SHISA5: variants seen among roughly 807,000 people sequenced by gnomAD.
SHISA5 encodes protein shisa-5.
Under a neutral mutation model 27.5 loss-of-function variants are expected in SHISA5, and 21 were observed. The ratio of observed to expected loss-of-function variants is 0.76; its 90% CI spans 0.54 to 1.10. The LOEUF (loss-of-function observed/expected upper bound fraction) is 1.10. Among genes scored for constraint, SHISA5 ranks in the 50% least tolerant of loss-of-function variants. The probability of loss-of-function intolerance (pLI) is 0.00; values close to 1 mark genes in which losing one functional copy is unlikely to be tolerated. For synonymous variants in SHISA5, 137 were observed against 142.2 expected (o/e 0.96, Z 0.26); for missense variants, 314 against 336.3 (o/e 0.93, Z 0.52).
At chr3:48,498,129 G>A (rs1003487867) in intron 2 of SHISA5, among the ~76,000 whole-genome samples, 1 of 152,028 alleles carries the variant, frequency 6.6e-6, no homozygotes, top group African/African-American at 2.4e-5. Context: ...CTCTACAAAT[G>A]CACAAAAAGC....
At position 48,473,100 on chromosome 3, in the gene SHISA5, C is replaced by T; in HGVS notation, c.315-3257G>A. ...GTGGGCCACTCAGTTTCAATTTCCT[C>T]CCCTTTTGGAGAAAAAGAAAGCAAA... On this transcript the variant is annotated intron_variant, in intron 3 of 5. Coordinates refer to ENST00000296444, the MANE Select transcript of SHISA5 (RefSeq NM_016479.6). This position sits in a 1 kb window ranked among gnomAD's most constrained non-coding sequence, Gnocchi z 4.3. The T allele has an allele frequency of 1.3e-6, 2 of 1,489,682 alleles. No individual in the cohort carries two copies. The highest frequency in any genetic ancestry group is 2.6e-5 in the South Asian group (2 of 78,296). 92.3% of individuals were successfully genotyped at this position (1,489,682 alleles called of 1,614,324 possible). A position where few individuals can be genotyped will look rare whatever the true frequency, so the allele number is the denominator to read the frequency against.
intron 2 of SHISA5, among the ~76,000 whole-genome samples, chr3:48,487,333 A>G (rs1377804258): frequency 6.6e-6 from 1 of 152,112 alleles, no homozygotes; most frequent in Non-Finnish European, 1.5e-5. Flanking sequence ...TGTATTTTAT[A>G]GTTTATATAG....
chr3:48,477,325 G>T (rs962511116), intron 3 of SHISA5, among the ~76,000 whole-genome samples: 3 of 151,962 alleles, frequency 2.0e-5, no homozygotes, highest in African/African-American at 7.3e-5. Context: ...TGAACTCCTG[G>T]CCTCAGGTGA....
In SHISA5 at chr3:48,501,197, C is replaced by A. The variant is rs377595934; in HGVS notation, c.173G>T (p.Cys58Phe). The change falls in exon 2 of 6, where the codon TGC becomes TTC. Residue 58 changes from cysteine (C) to phenylalanine (F), a missense_variant. Coordinates refer to ENST00000296444, the MANE Select transcript of SHISA5 (RefSeq NM_016479.6). ...CACAAATTTCTTCAGCACGTCAGAG[C>A]AGCAGTATTGGTCATCACAGGTACC... ...CCGTCDDQYC[C>F]SDVLKKFVWS... The A allele has an allele frequency of 6.2e-7, 1 of 1,614,122 alleles. No homozygotes were observed. Among genetic ancestry groups the A allele is most frequent in the South Asian group, 1.1e-5 (1 of 91,078 alleles).
At chr3:48,471,741 G>A (rs2107292704) in intron 3 of SHISA5, among the ~76,000 whole-genome samples, 1 of 151,846 alleles carries the variant, frequency 6.6e-6, no homozygotes, top group South Asian at 2.1e-4. Context: ...AGCCGGACAT[G>A]ATGGTGGGTG....
chr3:48,482,304 C>T lies in SHISA5; in HGVS notation c.234-3047G>A, dbSNP rs1379097056. 2.0e-5 allele frequency among the ~76,000 whole-genome samples: 3 copies of T among 151,728 alleles called. No individual in the cohort carries two copies. The East Asian group carries it at 5.9e-4, about 30-fold the overall frequency. On this transcript the variant is annotated intron_variant, in intron 2 of 5. Transcript: ENST00000296444. ...CCTGTGGTCCCAGCTACTCAGGAGG[C>T]TTAGGTGGGAGGATCACTTGAGCCC...
chr3:48,478,156 G>A (rs894526314), intron 3 of SHISA5, among the ~76,000 whole-genome samples: 12 of 152,338 alleles, frequency 7.9e-5, no homozygotes, highest in African/African-American at 2.9e-4. Flanking sequence ...CTCAGGGCAG[G>A]ACAGCCGCTC....
chr3:48,497,148 C>T (rs2041577558), intron 2 of SHISA5, among the ~76,000 whole-genome samples: 1 of 151,738 alleles, frequency 6.6e-6, no homozygotes, highest in Non-Finnish European at 1.5e-5. Flanking sequence ...AGGGGAATCA[C>T]TTGAACCCAG....
At position 48,486,051 on chromosome 3, in the gene SHISA5, C is replaced by T. The variant is rs371062868; in HGVS notation, c.234-6794G>A. Among the ~76,000 whole-genome samples the T allele has an allele frequency of 3.3e-5, 5 of 150,156 alleles. No individual in the cohort carries two copies. In the East Asian group the frequency reaches 5.8e-4, roughly 18 times the overall value. On this transcript the variant is annotated intron_variant, in intron 2 of 5. Transcript: ENST00000296444. Reference sequence around the variant, plus strand: ...ACAACTAGACCAGGTGATCTGAGAACGCTAGAGTTACTGCCAGAAGCAACC... The same window carrying T: ...ACAACTAGACCAGGTGATCTGAGAATGCTAGAGTTACTGCCAGAAGCAACC...
chr3:48,479,220 AG>A lies in SHISA5; in HGVS notation c.270del (p.Ser91ArgfsTer3). ...TAGCCAGGGCGAAACCTCAGCGCCG[AG>A]CCCAGCTGCTCCACCGGCTCTACAC... Reference protein sequence around the residue: ...PASVEPVEQLGSALRFRPGYN... With the variant: ...PASVEPVEQLXSALRFRPGYN... On this transcript the variant is annotated frameshift_variant, in exon 3 of 6. Transcript: ENST00000296444. LOFTEE classifies it high-confidence loss of function. The A allele has an allele frequency of 6.7e-7, 1 of 1,486,314 alleles. No homozygotes were observed. The highest frequency in any genetic ancestry group is 9.0e-7 in the Non-Finnish European group (1 of 1,116,452). The allele number at this position is 1,486,314 out of a possible 1,614,324, so 92.1% of individuals were successfully genotyped here. A position where few individuals can be genotyped will look rare whatever the true frequency, so the allele number is the denominator to read the frequency against.
chr3:48,503,914 G>C, intron 1 of SHISA5, 105 bp downstream of exon 1: 5 of 1,365,036 alleles, frequency 3.7e-6, no homozygotes, highest in Non-Finnish European at 1.9e-6. Context: ...AGGGGTCAGT[G>C]GGGGGCATAG....
Position 48,468,510 on chromosome 3 carries a change from A to G in SHISA5, c.*597T>C. 1 of 1,184,032 alleles carries G rather than the reference A, an allele frequency of 8.4e-7. No individual in the cohort carries two copies. The highest frequency in any genetic ancestry group is 1.1e-6 in the Non-Finnish European group (1 of 940,740). The allele number at this position is 1,184,032 out of a possible 1,614,324, so 73.3% of individuals were successfully genotyped here. A position where few individuals can be genotyped will look rare whatever the true frequency, so the allele number is the denominator to read the frequency against. On this transcript the variant is annotated 3_prime_UTR_variant, in exon 6 of 6. Coordinates refer to ENST00000296444, the MANE Select transcript of SHISA5 (RefSeq NM_016479.6). ...ATCAGGAGGCTGCCTGATCCCCAAC[A>G]GGCATGACAGGCTCCAGGGAGCAAT...
At chr3:48,480,135 C>G (rs1446651034) in intron 2 of SHISA5, among the ~76,000 whole-genome samples, 1 of 151,770 alleles carries the variant, frequency 6.6e-6, no homozygotes, top group Non-Finnish European at 1.5e-5. Context: ...GATCTCCTGA[C>G]CTCGTGATCC....
In SHISA5 at chr3:48,488,851, A is replaced by G. The variant is rs867757777; in HGVS notation, c.234-9594T>C. 2.7e-3 allele frequency among the ~76,000 whole-genome samples: 405 copies of G among 151,212 alleles called. 1 individual carries two copies. Among genetic ancestry groups the G allele is most frequent in the African/African-American group, 9.3e-3 (384 of 41,272 alleles). ...TCCGTCTCAAAAAAAAAAAAAAAAA[A>G]GTGAAAAAAGAGAAATGAATTGTTA... On this transcript the variant is annotated intron_variant, in intron 2 of 5. Coordinates refer to ENST00000296444, the MANE Select transcript of SHISA5 (RefSeq NM_016479.6).
chr3:48,469,921 C>G lies in SHISA5; in HGVS notation c.315-78G>C. On this transcript the variant is annotated intron_variant, in intron 3 of 5. Coordinates refer to ENST00000296444, the MANE Select transcript of SHISA5 (RefSeq NM_016479.6). This position sits in a 1 kb window ranked among gnomAD's most constrained non-coding sequence, Gnocchi z 4.6. Reference sequence around the variant, plus strand: ...ATCCACACCTTCCCAAGGCATGCCCCTCTTGCCAGAAGGGGTCTGGGCAAT... The same window carrying G: ...ATCCACACCTTCCCAAGGCATGCCCGTCTTGCCAGAAGGGGTCTGGGCAAT... The G allele has an allele frequency of 6.5e-7, 1 of 1,541,572 alleles. No homozygotes were observed. Among genetic ancestry groups the G allele is most frequent in the Admixed American group, 2.0e-5 (1 of 50,648 alleles).
At chr3:48,483,410 G>A (rs981255012) in intron 2 of SHISA5, among the ~76,000 whole-genome samples, 6 of 152,070 alleles carry the variant, frequency 3.9e-5, no homozygotes, top group African/African-American at 1.4e-4. Context: ...TGGGGGTAAG[G>A]TCATAGATCA....
At chr3:48,502,647 A>G (rs940557142) in intron 1 of SHISA5, 17 of 335,392 alleles carry the variant, frequency 5.1e-5, no homozygotes, top group Non-Finnish European at 9.5e-5. Context: ...TCCTCAGGCT[A>G]CATTAGCAGA....
intron 2 of SHISA5, among the ~76,000 whole-genome samples, chr3:48,500,365 T>C (rs1440778327): frequency 1.3e-5 from 2 of 152,156 alleles, no homozygotes; most frequent in East Asian, 1.9e-4. Context: ...TGCACACCTA[T>C]AGTTCCAGCT....
chr3:48,498,689 G>GAAA (rs11294310), intron 2 of SHISA5, among the ~76,000 whole-genome samples: 63 of 80,630 alleles, frequency 7.8e-4, no homozygotes, highest in African/African-American at 1.7e-3. Context: ...TCTCCAGAAA[G>GAAA]AAAAAAAAAA....
Sources: allele counts gnomAD v4.1 joint callset (sites outside exome capture counted in the v4.1 genomes callset), GRCh38; gene constraint gnomAD v4.1.1; non-coding constraint Gnocchi (gnomAD v3.1); transcripts MANE v1.5; gene names NCBI Gene and HGNC (gene_info 2026-07-23, HGNC 2026-07-21).